PBX1: variants seen among roughly 807,000 people sequenced by gnomAD.
PBX1 encodes the protein PBX homeobox 1, also known as pre-B-cell leukemia transcription factor 1.
In PBX1, 6 loss-of-function variants were observed where a neutral mutation model predicts 53.4. The observed-to-expected ratio is 0.11, with a 90% confidence interval of 0.06 to 0.22. The LOEUF (loss-of-function observed/expected upper bound fraction) is 0.22, where lower values mean the gene tolerates loss of function less well. Among genes scored for constraint, PBX1 ranks in the 10% least tolerant of loss-of-function variants. PBX1 has a pLI of 1.00. For synonymous variants in PBX1, 204 were observed against 212.3 expected (o/e 0.96, Z 0.34); for missense variants, 251 against 551.4 (o/e 0.46, Z 5.46).
intron 2 of PBX1, among the ~76,000 whole-genome samples, chr1:164,597,395 TG>T (rs966185244): frequency 1.9e-4 from 29 of 152,354 alleles, no homozygotes; most frequent in African/African-American, 7.0e-4. Flanking sequence ...GGTTGACACT[TG>T]GAAAATATAA....
chr1:164,598,404 G>T (rs1655913227), intron 2 of PBX1, among the ~76,000 whole-genome samples: 1 of 152,162 alleles, frequency 6.6e-6, no homozygotes, highest in Admixed American at 6.5e-5. Flanking sequence ...AAGGCACACT[G>T]TGGAGGGTTA....
intron 2 of PBX1, among the ~76,000 whole-genome samples, chr1:164,746,502 G>T (rs1456082367): frequency 6.6e-6 from 1 of 152,014 alleles, no homozygotes; most frequent in South Asian, 2.1e-4. Context: ...TCAGCCTCTC[G>T]AGTAGCTGGG....
intron 8 of PBX1, among the ~76,000 whole-genome samples, chr1:164,832,957 G>A (rs1232784369): frequency 6.6e-6 from 1 of 152,010 alleles, no homozygotes; most frequent in African/African-American, 2.4e-5. Context: ...GTTTAAGGCA[G>A]TAAATTAAAG....
chr1:164,623,989 AG>A (rs765331427), intron 2 of PBX1, among the ~76,000 whole-genome samples: 16 of 152,158 alleles, frequency 1.1e-4, no homozygotes, highest in Non-Finnish European at 2.1e-4. Context: ...ACAGGGAGAT[AG>A]AAGGAGGAAG....
chr1:164,644,708 A>G (rs915323771), intron 2 of PBX1, among the ~76,000 whole-genome samples: 2 of 152,194 alleles, frequency 1.3e-5, no homozygotes, highest in Non-Finnish European at 2.9e-5. Flanking sequence ...CTTGGCCTTA[A>G]TGTGTCTTGT....
chr1:164,604,220 C>T (rs759176904), intron 2 of PBX1, among the ~76,000 whole-genome samples: 28 of 152,126 alleles, frequency 1.8e-4, no homozygotes, highest in Admixed American at 7.9e-4. Flanking sequence ...TGATTACAGG[C>T]GTGAGCCACT....
At chr1:164,790,653 A>G (rs1005110002) in intron 2 of PBX1, among the ~76,000 whole-genome samples, 1 of 151,966 alleles carries the variant, frequency 6.6e-6, no homozygotes, top group Non-Finnish European at 1.5e-5. Flanking sequence ...ATGGCTCGCC[A>G]TTCCATTTGA....
intron 2 of PBX1, among the ~76,000 whole-genome samples, chr1:164,631,824 C>A (rs925955074): frequency 1.3e-5 from 2 of 152,190 alleles, no homozygotes; most frequent in Non-Finnish European, 2.9e-5. Context: ...TGATTTGGGC[C>A]ATATTCGACT....
At chr1:164,773,247 A>G (rs1276283795) in intron 2 of PBX1, among the ~76,000 whole-genome samples, 1 of 148,550 alleles carries the variant, frequency 6.7e-6, no homozygotes, top group Non-Finnish European at 1.5e-5. Context: ...ACACGCGCAC[A>G]CACACACACA....
At chr1:164,634,314 TG>T (rs1301569513) in intron 2 of PBX1, among the ~76,000 whole-genome samples, 6 of 152,216 alleles carry the variant, frequency 3.9e-5, no homozygotes, top group South Asian at 4.1e-4. Context: ...GTGCCCTGCC[TG>T]GCCCCACACC....
At chr1:164,739,772 T>C (rs1020619021) in intron 2 of PBX1, among the ~76,000 whole-genome samples, 4 of 151,704 alleles carry the variant, frequency 2.6e-5, no homozygotes, top group South Asian at 2.1e-4. Context: ...TGTGTGTGTG[T>C]GTGTGTGTGT....
chr1:164,616,953 A>C (rs145301247), intron 2 of PBX1, among the ~76,000 whole-genome samples: 1 of 152,324 alleles, frequency 6.6e-6, no homozygotes, highest in East Asian at 1.9e-4. Context: ...ACAGCTGTTA[A>C]ATGGTAGAAC....
intron 2 of PBX1, among the ~76,000 whole-genome samples, chr1:164,877,342 T>C (rs1672538236): frequency 6.6e-6 from 1 of 152,032 alleles, no homozygotes; most frequent in African/African-American, 2.4e-5. Flanking sequence ...AAACCCTTTG[T>C]TTAATGTGCC....
rs1371644059 is a variant in PBX1, at chr1:164,870,342, TTTCTTTCTTTCTTTCTTTCG to T, written n.258-28845_258-28826del. Among the ~76,000 whole-genome samples the T allele has an allele frequency of 2.3e-3, 267 of 115,314 alleles. 17 individuals are homozygous for T. Among genetic ancestry groups the T allele is most frequent in the Middle Eastern group, 8.1e-3 (2 of 248 alleles). 75.7% of individuals were successfully genotyped at this position (115,314 alleles called of 152,430 possible). A position where few individuals can be genotyped will look rare whatever the true frequency, so the allele number is the denominator to read the frequency against. Reference sequence around the variant, plus strand: ...CTTTCTTTCTTTCTTTCTTTCTTTCTTTCTTTCTTTCTTTCTTTCGAGATGAAGTCTTGCTCTGTCTCCCC... The same window carrying T: ...CTTTCTTTCTTTCTTTCTTTCTTTCTAGATGAAGTCTTGCTCTGTCTCCCC... On this transcript the variant is annotated intron_variant and non_coding_transcript_variant, in intron 2 of 2. Coordinates refer to the PBX1 transcript ENST00000558796.
At chr1:164,725,578 A>G (rs2102121058) in intron 2 of PBX1, among the ~76,000 whole-genome samples, 1 of 152,248 alleles carries the variant, frequency 6.6e-6, no homozygotes, top group African/African-American at 2.4e-5. Context: ...TGGTTTGCCA[A>G]ACTGGCTGAT....
At chr1:164,737,078 G>C (rs1665334010) in intron 2 of PBX1, among the ~76,000 whole-genome samples, 1 of 152,204 alleles carries the variant, frequency 6.6e-6, no homozygotes. Context: ...CCACCAAACA[G>C]TGGTGCCTGA....
At chr1:164,563,106 A>G in intron 1 of PBX1, 132 bp from the exon 2 acceptor site, 1 of 560,710 alleles carries the variant, frequency 1.8e-6, no homozygotes, top group Admixed American at 3.2e-5. Context: ...CATGAAAACA[A>G]CTGAAGCATG....
At chr1:164,743,216 T>C (rs1220186394) in intron 2 of PBX1, among the ~76,000 whole-genome samples, 5 of 152,222 alleles carry the variant, frequency 3.3e-5, no homozygotes, top group African/African-American at 1.2e-4. Flanking sequence ...TGTATTGCCA[T>C]GATAACAGAA....
At chr1:164,834,466 C>T (rs1472307789) in intron 8 of PBX1, among the ~76,000 whole-genome samples, 1 of 151,822 alleles carries the variant, frequency 6.6e-6, no homozygotes, top group Non-Finnish European at 1.5e-5. Context: ...GCCTCAGCCT[C>T]CCAAGTAGCT....
Sources: gnomAD v4.1 joint callset for allele counts (sites outside exome capture counted in the v4.1 genomes callset) on GRCh38, gnomAD v4.1.1 for gene constraint, MANE v1.5 for transcripts, NCBI Gene and HGNC (gene_info 2026-07-23, HGNC 2026-07-21) for gene names.